The following SLIT3 variants were observed in gnomAD, a reference collection of about 807,000 sequenced individuals.
SLIT3 encodes slit guidance ligand 3, also known as slit homolog 3 protein.
SLIT3 carries 68 observed loss-of-function variants against 184.0 expected under a neutral mutation model. That is an observed-to-expected ratio of 0.37 (90% confidence interval 0.30 to 0.45). SLIT3 has a LOEUF of 0.45. SLIT3 is among the 20% of genes least tolerant of loss of function. The probability of loss-of-function intolerance (pLI) is 1.00; values close to 1 mark genes in which losing one functional copy is unlikely to be tolerated. For synonymous variants in SLIT3, 831 were observed against 828.6 expected (o/e 1.00, Z -0.05); for missense variants, 1,707 against 2,026.0 (o/e 0.84, Z 3.02).
At chr5:169,067,767 C>T (rs963145442) in intron 4 of SLIT3, among the ~76,000 whole-genome samples, 2 of 152,168 alleles carry the variant, frequency 1.3e-5, no homozygotes, top group African/African-American at 4.8e-5. Flanking sequence ...TGACAGCTGG[C>T]ACTTTCTGTC....
intron 3 of SLIT3, among the ~76,000 whole-genome samples, chr5:169,235,427 T>C (rs758795196): frequency 6.6e-6 from 1 of 152,212 alleles, no homozygotes; most frequent in Non-Finnish European, 1.5e-5. Flanking sequence ...TTGATTTACA[T>C]AAAAGCTGGG....
At chr5:169,095,591 C>T (rs1759747742) in intron 4 of SLIT3, among the ~76,000 whole-genome samples, 1 of 152,212 alleles carries the variant, frequency 6.6e-6, no homozygotes, top group Admixed American at 6.5e-5. Context: ...TCCCACCTGC[C>T]ATCTCTCTCT....
chr5:168,891,832 A>G (rs1382959985), intron 4 of SLIT3, among the ~76,000 whole-genome samples: 1 of 152,254 alleles, frequency 6.6e-6, no homozygotes, highest in Non-Finnish European at 1.5e-5. Flanking sequence ...CAAAGATTGC[A>G]AACTCAGATG....
chr5:169,153,272 A>T (rs1384195459), intron 4 of SLIT3, among the ~76,000 whole-genome samples: 1 of 151,092 alleles, frequency 6.6e-6, no homozygotes, highest in African/African-American at 2.4e-5. Flanking sequence ...ACTTAGCTAA[A>T]TTCCCAATTA....
intron 4 of SLIT3, among the ~76,000 whole-genome samples, chr5:169,080,064 A>G (rs1214731494): frequency 6.6e-6 from 1 of 150,816 alleles, no homozygotes; most frequent in African/African-American, 2.5e-5. Context: ...AGATGGGCTC[A>G]ACTCCAATAT....
At chr5:169,211,862 C>T (rs928702088) in intron 3 of SLIT3, among the ~76,000 whole-genome samples, 1 of 152,152 alleles carries the variant, frequency 6.6e-6, no homozygotes, top group African/African-American at 2.4e-5. Flanking sequence ...GTTCAACTCC[C>T]ATTTATGAGT....
chr5:168,714,794 A>C (rs1341517740), intron 23 of SLIT3, among the ~76,000 whole-genome samples: 1 of 152,098 alleles, frequency 6.6e-6, no homozygotes, highest in East Asian at 1.9e-4. Context: ...GATGCCTCCC[A>C]GCGGCTGGGC....
chr5:169,251,333 TG>T, intron 2 of SLIT3, 54 bp downstream of exon 2: 1 of 1,246,738 alleles, frequency 8.0e-7, no homozygotes, highest in Non-Finnish European at 1.2e-6. Flanking sequence ...AACATTTTTT[TG>T]TGAGGCTGAA....
chr5:168,937,563 T>G (rs923679711), intron 4 of SLIT3, among the ~76,000 whole-genome samples: 2 of 151,536 alleles, frequency 1.3e-5, no homozygotes, highest in African/African-American at 4.9e-5. Flanking sequence ...TAAGGGGGAG[T>G]TGGATCTAGA....
intron 4 of SLIT3, among the ~76,000 whole-genome samples, chr5:168,910,214 T>C (rs936349732): frequency 1.3e-5 from 2 of 152,240 alleles, no homozygotes; most frequent in African/African-American, 4.8e-5. Context: ...TTACACGATA[T>C]GGAAACTGAA....
chr5:169,286,147 C>T (rs1478861176), intron 1 of SLIT3, among the ~76,000 whole-genome samples: 1 of 152,138 alleles, frequency 6.6e-6, no homozygotes, highest in Non-Finnish European at 1.5e-5. Context: ...CCTAAGATTA[C>T]TTAGCTACTA....
chr5:169,286,858 C>T (rs1476571242), intron 1 of SLIT3, among the ~76,000 whole-genome samples: 1 of 152,192 alleles, frequency 6.6e-6, no homozygotes, highest in Non-Finnish European at 1.5e-5. Context: ...ACAAAGAAAA[C>T]TGTAGTGCAG....
chr5:169,161,978 A>G (rs1471140333), intron 4 of SLIT3, among the ~76,000 whole-genome samples: 1 of 151,900 alleles, frequency 6.6e-6, no homozygotes, highest in African/African-American at 2.4e-5. Context: ...AAGGGTGCCA[A>G]CACGTGTTTA....
chr5:169,284,860 CT>C lies in SLIT3; in HGVS notation c.197+15652del, dbSNP rs927566147. ...GAGATAAGTATTATTGTCTTTATGT[CT>C]TTTTTTTATGAGAAAGACAAGTAAT... is the stretch of plus-strand genomic sequence containing the variant. On this transcript the variant is annotated intron_variant, in intron 1 of 35. Coordinates refer to ENST00000519560, the MANE Select transcript of SLIT3 (RefSeq NM_003062.4). 2.4e-4 allele frequency among the ~76,000 whole-genome samples: 37 copies of C among 151,898 alleles called. No homozygotes were observed. The East Asian group carries it at 2.9e-3, about 12-fold the overall frequency.
chr5:168,900,912 C>T (rs935671744), intron 4 of SLIT3, among the ~76,000 whole-genome samples: 5 of 152,156 alleles, frequency 3.3e-5, no homozygotes, highest in Admixed American at 6.5e-5. Context: ...ACAATGTGTA[C>T]ACATGGACAT....
intron 4 of SLIT3, among the ~76,000 whole-genome samples, chr5:169,054,896 A>G (rs1340879542): frequency 2.0e-5 from 3 of 151,874 alleles, no homozygotes; most frequent in East Asian, 1.9e-4. Context: ...CTGAGTACAC[A>G]ATGCACACAT....
intron 4 of SLIT3, among the ~76,000 whole-genome samples, chr5:168,921,231 T>C (rs532243202): frequency 3.3e-5 from 5 of 152,250 alleles, no homozygotes; most frequent in Admixed American, 3.3e-4. Flanking sequence ...TCCCCAGCCT[T>C]CTAAAAAAAT....
At chr5:169,044,724 G>A (rs1757568157) in intron 4 of SLIT3, among the ~76,000 whole-genome samples, 1 of 152,108 alleles carries the variant, frequency 6.6e-6, no homozygotes, top group Admixed American at 6.5e-5. Context: ...TATAATTTAA[G>A]ATGGTGAATC....
At chr5:168,763,436 C>T (rs982211863) in intron 14 of SLIT3, among the ~76,000 whole-genome samples, 5 of 151,960 alleles carry the variant, frequency 3.3e-5, no homozygotes, top group African/African-American at 7.3e-5. Flanking sequence ...TTTAAAATGC[C>T]GCGAGGACGA....
Sources: gnomAD v4.1 joint callset for allele counts (sites outside exome capture counted in the v4.1 genomes callset) on GRCh38, gnomAD v4.1.1 for gene constraint, MANE v1.5 for transcripts, NCBI Gene and HGNC (gene_info 2026-07-23, HGNC 2026-07-21) for gene names.